The following SLC13A3 variants were observed in gnomAD, a reference collection of about 807,000 sequenced individuals.
SLC13A3 encodes Na(+)/dicarboxylate cotransporter 3.
Under a neutral mutation model 59.0 loss-of-function variants are expected in SLC13A3, and 40 were observed. The observed-to-expected ratio is 0.68, with a 90% CI of 0.53 to 0.88. The LOEUF (loss-of-function observed/expected upper bound fraction) is 0.88. Among genes scored for constraint, SLC13A3 ranks in the 40% least tolerant of loss-of-function variants. The pLI is 0.00. For synonymous variants in SLC13A3, 317 were observed against 330.3 expected, an observed-to-expected ratio of 0.96 and a Z score of 0.44; for missense variants, 699 against 783.2, an observed-to-expected ratio of 0.89 and a Z score of 1.28.
chr20:46,665,008 A>T (rs1005605750), intron 1 of SLC13A3, among the ~76,000 whole-genome samples: 1 of 151,908 alleles, frequency 6.6e-6, no homozygotes, highest in African/African-American at 2.4e-5. Context: ...GCCATTGTAG[A>T]GATTTAAGCA....
intron 2 of SLC13A3, among the ~76,000 whole-genome samples, chr20:46,612,235 G>A (rs147573470): frequency 0.022 from 3,220 of 146,498 alleles, 46 homozygotes; most frequent in Non-Finnish European, 0.034. Flanking sequence ...GGGTTCAAGC[G>A]ATCCGCCCAC....
At chr20:46,565,733 T>C (rs1261335560) in intron 11 of SLC13A3, among the ~76,000 whole-genome samples, 1 of 152,118 alleles carries the variant, frequency 6.6e-6, no homozygotes, top group Non-Finnish European at 1.5e-5. Flanking sequence ...TGTCATGATT[T>C]AGGGAGGCGC....
Position 46,609,087 on chromosome 20 carries a change from G to C in SLC13A3, c.541+1359C>G, listed in dbSNP as rs1438806625. ...AAGAACAAAGGAAGAATCAATGCCG[G>C]GGTTAAACTAGCCATTTCTGCCCAC... On this transcript the variant is annotated intron_variant, in intron 3 of 12. Coordinates refer to ENST00000279027, the MANE Select transcript of SLC13A3 (RefSeq NM_022829.6). 42 of 1,545,726 alleles carry C rather than the reference G, an allele frequency of 2.7e-5. No homozygotes were observed. In the East Asian group the frequency reaches 1.0e-3, roughly 38 times the overall value.
At chr20:46,583,937 A>C in intron 8 of SLC13A3, 1 of 985,346 alleles carries the variant, frequency 1.0e-6, no homozygotes, top group Non-Finnish European at 1.2e-6. Flanking sequence ...GAGGGACTTG[A>C]CCAAAGAGGG....
In SLC13A3 at chr20:46,663,808, G is replaced by A. The variant is rs572126360; in HGVS notation, c.-31+6235C>T. On this transcript the variant is annotated intron_variant, in intron 1 of 12. Coordinates refer to the SLC13A3 transcript ENST00000290317. ...AGCAATTTCACTGCAGAGTCCACAT[G>A]CGTAACCAACCACTACACTGTAATA... Among the ~76,000 whole-genome samples, 5 of 152,292 alleles carry A rather than the reference G, an allele frequency of 3.3e-5. No homozygotes were observed. The South Asian group carries it at 1.0e-3, about 32-fold the overall frequency.
intron 1 of SLC13A3, among the ~76,000 whole-genome samples, chr20:46,658,388 T>C (rs2063007639): frequency 6.6e-6 from 1 of 152,110 alleles, no homozygotes; most frequent in Non-Finnish European, 1.5e-5. Flanking sequence ...AGGAAATGTA[T>C]AGGGTGATAG....
chr20:46,585,941 G>A (rs997556259), intron 8 of SLC13A3, among the ~76,000 whole-genome samples: 6 of 152,102 alleles, frequency 3.9e-5, no homozygotes, highest in African/African-American at 1.4e-4. Context: ...GCCCAGTATG[G>A]TAGCCACAAG....
chr20:46,562,119 C>A (rs1477496017), intron 12 of SLC13A3, among the ~76,000 whole-genome samples: 1 of 152,208 alleles, frequency 6.6e-6, no homozygotes, highest in Non-Finnish European at 1.5e-5. Flanking sequence ...CCTGCTTCCA[C>A]ACTTGTCCCT....
chr20:46,661,024 T>A (rs1298904559), intron 1 of SLC13A3, among the ~76,000 whole-genome samples: 1 of 152,226 alleles, frequency 6.6e-6, no homozygotes, highest in South Asian at 2.1e-4. Flanking sequence ...TGTTTATGCA[T>A]GTTGTTCTTT....
At chr20:46,664,011 G>C (rs6124847) in intron 1 of SLC13A3, among the ~76,000 whole-genome samples, 3 of 152,176 alleles carry the variant, frequency 2.0e-5, no homozygotes, top group African/African-American at 7.2e-5. Context: ...ATTCCCCTCA[G>C]ATAACAAGGG....
At chr20:46,683,736 GACA>G (rs757161351) in intron 1 of SLC13A3, among the ~76,000 whole-genome samples, 3 of 152,108 alleles carry the variant, frequency 2.0e-5, no homozygotes, top group Non-Finnish European at 2.9e-5. Flanking sequence ...GTGACCATGA[GACA>G]ACGAGCCTCG....
chr20:46,600,553 C>T (rs1410427377), intron 3 of SLC13A3: 1 of 429,030 alleles, frequency 2.3e-6, no homozygotes, highest in Non-Finnish European at 5.0e-6. Context: ...AGCTGCAGGG[C>T]TGCTTGACAA....
In SLC13A3 at chr20:46,585,382, T is replaced by C. The variant is rs909783820; in HGVS notation, c.1122-1713A>G. The C allele has an allele frequency of 2.6e-5, 26 of 998,134 alleles. No homozygotes were observed. In the South Asian group the frequency reaches 8.2e-4, roughly 32 times the overall value. 61.8% of individuals were successfully genotyped at this position (998,134 alleles called of 1,614,324 possible). A position where few individuals can be genotyped will look rare whatever the true frequency, so the allele number is the denominator to read the frequency against. ...TTCAATTCAGCATTGTTTGAATTTTTATGAGTATGCATAACTTTTGAAATT... is the reference window on the plus strand; with the variant it reads ...TTCAATTCAGCATTGTTTGAATTTTCATGAGTATGCATAACTTTTGAAATT... On this transcript the variant is annotated intron_variant, in intron 8 of 12. Coordinates refer to ENST00000279027, the MANE Select transcript of SLC13A3 (RefSeq NM_022829.6).
chr20:46,673,236 C>A (rs144255345), upstream of SLC13A3, among the ~76,000 whole-genome samples: 112 of 152,274 alleles, frequency 7.4e-4, no homozygotes, highest in African/African-American at 2.5e-3. Context: ...ACCTATCAAC[C>A]CCTAATTACA....
At chr20:46,641,708 C>A (rs2062847216) in intron 1 of SLC13A3, among the ~76,000 whole-genome samples, 1 of 152,168 alleles carries the variant, frequency 6.6e-6, no homozygotes, top group East Asian at 1.9e-4. Flanking sequence ...AAGACAAGGG[C>A]AGGGGAAGTT....
intron 12 of SLC13A3, among the ~76,000 whole-genome samples, chr20:46,562,644 T>G (rs78105168): frequency 0.038 from 5,857 of 152,284 alleles, 383 homozygotes; most frequent in African/African-American, 0.13. Context: ...GGCGGATCGG[T>G]GTCTCTCCCA....
intron 1 of SLC13A3, among the ~76,000 whole-genome samples, chr20:46,632,558 A>C (rs887963074): frequency 6.6e-6 from 1 of 152,146 alleles, no homozygotes; most frequent in Admixed American, 6.5e-5. Flanking sequence ...GCCAAGAAGC[A>C]GAGAAGCCTA....
intron 1 of SLC13A3, among the ~76,000 whole-genome samples, chr20:46,656,537 C>T (rs975556399): frequency 7.0e-6 from 1 of 142,048 alleles, no homozygotes; most frequent in African/African-American, 2.6e-5. Flanking sequence ...ATATACTATA[C>T]AGTACATATA....
chr20:46,674,559 A>C (rs2063111051), upstream of SLC13A3, among the ~76,000 whole-genome samples: 1 of 150,822 alleles, frequency 6.6e-6, no homozygotes. Context: ...TTTTGCCTCC[A>C]GCAGGGGAGA....
Sources: allele counts gnomAD v4.1 joint callset (sites outside exome capture counted in the v4.1 genomes callset), GRCh38; gene constraint gnomAD v4.1.1; transcripts MANE v1.5; gene names NCBI Gene and HGNC (gene_info 2026-07-23, HGNC 2026-07-21).